Variants in MED14 observed in about 807,000 individuals in gnomAD.
The protein encoded by MED14 is mediator of RNA polymerase II transcription subunit 14.
In MED14, 8 loss-of-function variants were observed where a neutral mutation model predicts 109.0. That is an observed-to-expected ratio of 0.07 (90% CI 0.04 to 0.13). The LOEUF is 0.13. MED14 is among the 10% of genes least tolerant of loss of function. MED14 has a pLI of 1.00. For missense variants in MED14, 711 were observed against 1,142.4 expected (o/e 0.62, Z 5.44); for synonymous variants, 399 against 408.7 (o/e 0.98, Z 0.29).
chrX:40,699,920 C>A (rs751416993), intron 12 of MED14, among the ~76,000 whole-genome samples: 67 of 111,397 alleles, frequency 6.0e-4, no homozygotes, highest in African/African-American at 2.1e-3. Flanking sequence ...CCAAGGCAGG[C>A]ACATCACACC....
intron 21 of MED14, among the ~76,000 whole-genome samples, chrX:40,677,255 T>C (rs987094615): frequency 8.9e-6 from 1 of 112,300 alleles, no homozygotes; most frequent in African/African-American, 3.2e-5. Context: ...ATTTGGATAC[T>C]CCTGTCTTGG....
chrX:40,649,709 T>C lies in MED14; in HGVS notation c.*2097A>G, dbSNP rs755822534. The C allele has an allele frequency of 1.2e-5, 11 of 894,396 alleles. No individual in the cohort carries two copies. The East Asian group carries it at 9.9e-4, about 81-fold the overall frequency. The allele number at this position is 894,396 out of a possible 1,213,427, so 73.7% of individuals were successfully genotyped here. On this transcript the variant is annotated 3_prime_UTR_variant, in exon 31 of 31. Coordinates refer to ENST00000324817, the MANE Select transcript of MED14 (RefSeq NM_004229.4). ...AAGAGGCAAAAGACATGATTTGTGA[T>C]GAAACTTACTATTCAAATGCTAAAT...
Position 40,726,932 on chromosome X carries a change from TA to T in MED14, c.243-82del, listed in dbSNP as rs1931913516. ...TTTATTTCAGCTAAGCAAAAATAAA[TA>T]AATAAATAAATCAGCCTTTGCTTAC... On this transcript the variant is annotated intron_variant, in intron 2 of 30. Coordinates refer to ENST00000324817, the MANE Select transcript of MED14 (RefSeq NM_004229.4). The T allele has an allele frequency of 5.1e-6, 4 of 791,229 alleles. No homozygotes were observed. In the African/African-American group the frequency reaches 6.4e-5, roughly 13 times the overall value. 65.2% of individuals were successfully genotyped at this position (791,229 alleles called of 1,213,427 possible).
Position 40,650,637 on chromosome X carries a change from T to C in MED14, c.*1169A>G. On this transcript the variant is annotated 3_prime_UTR_variant, in exon 31 of 31. Transcript: ENST00000324817. ...GCTCCAAAAAGAAACCCTGCAGAGA[T>C]GTATTAATACCAAAAACTCCATTTG... is the stretch of plus-strand genomic sequence containing the variant. 1.3e-6 allele frequency: 1 copy of C among 754,205 alleles called. No individual in the cohort carries two copies. The highest frequency in any genetic ancestry group is 6.7e-5 in the South Asian group (1 of 14,840). 62.2% of individuals were successfully genotyped at this position (754,205 alleles called of 1,213,427 possible).
At chrX:40,665,752 T>C (rs980022538) in intron 24 of MED14, among the ~76,000 whole-genome samples, 4 of 112,358 alleles carry the variant, frequency 3.6e-5, no homozygotes, top group East Asian at 2.8e-4. Context: ...TGAGCAGTTA[T>C]ATGTTTCGAA....
chrX:40,735,955 C>T, upstream of MED14: 1 of 240,364 alleles, frequency 4.2e-6, no homozygotes, highest in Non-Finnish European at 7.8e-6. Context: ...CAGCAGTTGC[C>T]CCGCCCTTAC....
rs747212240 is a variant in MED14, at chrX:40,703,722, T to TG, written c.1286-154dup. Among the ~76,000 whole-genome samples the TG allele has an allele frequency of 4.0e-3, 456 of 112,817 alleles. 5 individuals are homozygous for TG. Among genetic ancestry groups the TG allele is most frequent in the African/African-American group, 0.014 (437 of 31,103 alleles). On this transcript the variant is annotated intron_variant, in intron 10 of 30. Transcript: ENST00000324817. Reference sequence around the variant, plus strand: ...TGCAAAATTTGCAATAGTATTATTATGTCAGTTAGCAGCTCAAAAAGGAAA... The same window carrying TG: ...TGCAAAATTTGCAATAGTATTATTATGGTCAGTTAGCAGCTCAAAAAGGAAA...
chrX:40,664,203 C>G (rs1044153313), intron 25 of MED14, 104 bp downstream of exon 25: 27 of 731,443 alleles, frequency 3.7e-5, no homozygotes, highest in Non-Finnish European at 5.1e-5. Context: ...CTTTAAGTAT[C>G]CTCTCTCAAA....
intron 13 of MED14, among the ~76,000 whole-genome samples, chrX:40,694,205 T>C (rs1930643157): frequency 9.0e-6 from 1 of 111,551 alleles, no homozygotes; most frequent in South Asian, 3.8e-4. Context: ...GGCCTATCTT[T>C]ATTTTTGTGA....
At chrX:40,723,484 G>A (rs751600212) in intron 3 of MED14, among the ~76,000 whole-genome samples, 1 of 108,839 alleles carries the variant, frequency 9.2e-6, no homozygotes, top group African/African-American at 3.3e-5. Context: ...CGGCCAACAC[G>A]GCGAAACCCC....
intron 22 of MED14, among the ~76,000 whole-genome samples, chrX:40,674,868 T>C (rs1929859573): frequency 8.9e-6 from 1 of 112,445 alleles, no homozygotes; most frequent in African/African-American, 3.2e-5. Context: ...CTACTGAACA[T>C]CGCTAGACAT....
Position 40,713,787 on chromosome X carries a change from G to C in MED14, c.643C>G (p.Leu215Val). 1 of 1,210,864 alleles carries C rather than the reference G, an allele frequency of 8.3e-7. No homozygotes were observed. The highest frequency in any genetic ancestry group is 1.1e-6 in the Non-Finnish European group (1 of 895,047). The change falls in exon 5 of 31, where the codon CTT (leucine) becomes GTT (valine). Residue 215 changes from leucine (L) to valine (V), a missense_variant. Physicochemically the swap from Leu to Val is conservative, Grantham distance 32. Transcript: ENST00000324817. ...AATTTCAGATACATACCAACTGTAAGATTTGCTAACTGAGGAGGAAGATCT... is the reference window on the plus strand; with the variant it reads ...AATTTCAGATACATACCAACTGTAACATTTGCTAACTGAGGAGGAAGATCT... ...TTDLPPQLAN[L>V]TVANGRVKFR...
intron 24 of MED14, 109 bp from the exon 25 acceptor site, chrX:40,664,598 T>C: frequency 6.1e-6 from 3 of 487,974 alleles, no homozygotes; most frequent in East Asian, 4.5e-5. Context: ...TTTCTTCCAA[T>C]AAGATGTTTC....
Position 40,708,561 on chromosome X carries a change from G to A in MED14, c.1285+787C>T, listed in dbSNP as rs142175956. 4.1e-3 allele frequency among the ~76,000 whole-genome samples: 454 copies of A among 111,824 alleles called. 5 individuals carry two copies. The highest frequency in any genetic ancestry group is 0.014 in the African/African-American group (434 of 30,811). On this transcript the variant is annotated intron_variant, in intron 10 of 30. Coordinates refer to ENST00000324817, the MANE Select transcript of MED14 (RefSeq NM_004229.4). ...CCTACTTATAAGGCACTTCACTTAC[G>A]TCATCTAACTTAATTAAAGACTGTG...
chrX:40,735,686 G>T (rs921153298), upstream of MED14: 1 of 474,485 alleles, frequency 2.1e-6, no homozygotes, highest in Admixed American at 2.7e-5. Context: ...CTCCGCAAAC[G>T]CTCAGAAGCA....
chrX:40,652,882 C>T (rs5963827), intron 30 of MED14, among the ~76,000 whole-genome samples: 66,817 of 110,272 alleles, frequency 0.61, 17,043 homozygotes, highest in Non-Finnish European at 0.8. Flanking sequence ...TCATGTGAAC[C>T]ATGGCCTTTC....
chrX:40,713,083 C>A (rs765596181), intron 5 of MED14, 41 bp from the exon 6 acceptor site: 1 of 1,108,276 alleles, frequency 9.0e-7, no homozygotes, highest in East Asian at 3.1e-5. Flanking sequence ...GTGTACTTTG[C>A]TAGAAAATGA....
At chrX:40,692,582 T>G in intron 14 of MED14, 126 bp downstream of exon 14, 1 of 636,997 alleles carries the variant, frequency 1.6e-6, no homozygotes, top group Non-Finnish European at 2.4e-6. Flanking sequence ...AATTGTTACT[T>G]AAGCCTTATT....
chrX:40,709,569 A>AT (rs1313296758), intron 9 of MED14, 110 bp from the exon 10 acceptor site: 1 of 353,310 alleles, frequency 2.8e-6, no homozygotes, highest in East Asian at 4.6e-5. Context: ...AATCACACTG[A>AT]TTAAGTGTTA....
Sources: gnomAD v4.1 joint callset for allele counts (sites outside exome capture counted in the v4.1 genomes callset) on GRCh38, gnomAD v4.1.1 for gene constraint, MANE v1.5 for transcripts, NCBI Gene and HGNC (gene_info 2026-07-23, HGNC 2026-07-21) for gene names.